The following THSD7B variants were observed in gnomAD, a reference collection of about 807,000 sequenced individuals.
THSD7B encodes the protein thrombospondin type-1 domain-containing protein 7B.
A neutral mutation model predicts 213.6 loss-of-function variants in THSD7B; 138 were observed. That is an observed-to-expected ratio of 0.65 (90% CI 0.56 to 0.74). The LOEUF is 0.74. Among genes scored for constraint, THSD7B ranks in the 30% least tolerant of loss-of-function variants. THSD7B has a pLI of 0.00. For missense variants in THSD7B, 1,931 were observed against 1,991.5 expected, an observed-to-expected ratio of 0.97 and a Z score of 0.58; for synonymous variants, 742 against 687.0, an observed-to-expected ratio of 1.08 and a Z score of -1.25.
intron 12 of THSD7B, among the ~76,000 whole-genome samples, chr2:137,337,041 AATACCTAATAATT>A (rs1684653927): frequency 6.6e-6 from 1 of 151,498 alleles, no homozygotes; most frequent in South Asian, 2.1e-4. Context: ...TGAGAATAAT[AATACCTAATAATT>A]ATACCTAAAT....
chr2:137,606,289 A>C (rs887666245), intron 17 of THSD7B, among the ~76,000 whole-genome samples: 2 of 152,150 alleles, frequency 1.3e-5, no homozygotes, highest in Non-Finnish European at 2.9e-5. Flanking sequence ...TGTGACTAGA[A>C]AGAATGGACC....
chr2:137,453,763 C>T lies in THSD7B; in HGVS notation c.3138+2740C>T, dbSNP rs368726100. Among the ~76,000 whole-genome samples, 8 of 152,208 alleles carry T rather than the reference C, an allele frequency of 5.3e-5. No homozygotes were observed. The South Asian group carries it at 1.5e-3, about 28-fold the overall frequency. ...ATTTTGTGCCCTTTGAGCATCATCC[C>T]CCTTCCCTCCACTTCCAGCCTCGGA... On this transcript the variant is annotated intron_variant, in intron 15 of 27. Coordinates refer to ENST00000409968, the MANE Select transcript of THSD7B (RefSeq NM_001316349.2).
chr2:137,667,830 A>G lies in THSD7B; in HGVS notation c.4708A>G (p.Ile1570Val). 1.9e-6 allele frequency: 3 copies of G among 1,602,448 alleles called. No individual in the cohort carries two copies. The highest frequency in any genetic ancestry group is 2.6e-6 in the Non-Finnish European group (3 of 1,173,556). ...GVSGGAFLIM[I>V]FLIFTSYLVC... ...TTCAGGTGGCGCTTTTCTCATCATG[A>G]TTTTCCTAATATTTACTTCCTACCT... is the stretch of plus-strand genomic sequence containing the variant. Residue 1570 changes from isoleucine (I) to valine (V), a missense_variant, in exon 27 of 28, where the codon ATT (isoleucine) becomes GTT (valine). By Grantham distance (29) the Ile-to-Val change is conservative. Transcript: ENST00000409968.
At chr2:137,463,718 T>C (rs904029722) in intron 15 of THSD7B, among the ~76,000 whole-genome samples, 1 of 152,056 alleles carries the variant, frequency 6.6e-6, no homozygotes, top group Non-Finnish European at 1.5e-5. Flanking sequence ...GTATCATCCA[T>C]ATTTAGCAGG....
intron 5 of THSD7B, among the ~76,000 whole-genome samples, chr2:137,133,733 C>A (rs4954470): frequency 0.67 from 101,964 of 152,098 alleles, 35,924 homozygotes; most frequent in Non-Finnish European, 0.77. Context: ...ATTAATTTTC[C>A]TAGTGTATTT....
intron 21 of THSD7B, among the ~76,000 whole-genome samples, chr2:137,652,123 T>G (rs1683151282): frequency 6.6e-6 from 1 of 152,098 alleles, no homozygotes; most frequent in African/African-American, 2.4e-5. Context: ...GTGCCTGTCC[T>G]GTCAATTACT....
chr2:137,664,168 A>G (rs1044203344), intron 26 of THSD7B, among the ~76,000 whole-genome samples: 22 of 152,294 alleles, frequency 1.4e-4, no homozygotes, highest in African/African-American at 5.3e-4. Flanking sequence ...ATATCTTTCA[A>G]TCCTAAATTA....
intron 12 of THSD7B, among the ~76,000 whole-genome samples, chr2:137,288,967 C>T (rs1683251995): frequency 6.6e-6 from 1 of 152,016 alleles, no homozygotes; most frequent in Non-Finnish European, 1.5e-5. Context: ...CATAGTTGTT[C>T]CACTTGCTAC....
intron 10 of THSD7B, among the ~76,000 whole-genome samples, chr2:137,260,043 G>A (rs780437534): frequency 8.6e-5 from 13 of 152,014 alleles, no homozygotes; most frequent in Non-Finnish European, 1.5e-4. Context: ...TTTTCCCAAC[G>A]GCCAGTGCTC....
intron 15 of THSD7B, among the ~76,000 whole-genome samples, chr2:137,464,201 A>G (rs1293959108): frequency 6.6e-6 from 1 of 151,962 alleles, no homozygotes; most frequent in Non-Finnish European, 1.5e-5. Context: ...TTCCTCATTT[A>G]CTTTTTGGTT....
chr2:137,219,728 T>G (rs1681324684), intron 7 of THSD7B, among the ~76,000 whole-genome samples: 1 of 152,192 alleles, frequency 6.6e-6, no homozygotes, highest in Non-Finnish European at 1.5e-5. Flanking sequence ...TCTCATTTAC[T>G]TCTTCATCCA....
At chr2:137,006,182 A>C (rs1217087163) in intron 2 of THSD7B, among the ~76,000 whole-genome samples, 7 of 152,146 alleles carry the variant, frequency 4.6e-5, no homozygotes. Context: ...TCACGAGGTC[A>C]GGAGATTGAG....
chr2:136,836,019 T>C (rs1326915215), intron 1 of THSD7B, among the ~76,000 whole-genome samples: 1 of 152,222 alleles, frequency 6.6e-6, no homozygotes, highest in Non-Finnish European at 1.5e-5. Flanking sequence ...GCAGACTGCA[T>C]TATTAGAAAG....
chr2:137,433,782 T>C (rs1253651781), intron 14 of THSD7B, among the ~76,000 whole-genome samples: 1 of 152,220 alleles, frequency 6.6e-6, no homozygotes, highest in African/African-American at 2.4e-5. Context: ...ATAATACCTA[T>C]TGATGCATTT....
chr2:137,566,633 C>T (rs1490065892), intron 16 of THSD7B, among the ~76,000 whole-genome samples: 1 of 152,128 alleles, frequency 6.6e-6, no homozygotes, highest in Non-Finnish European at 1.5e-5. Flanking sequence ...TTCATCTGGG[C>T]ATGCCCATCG....
At chr2:137,154,898 A>AT (rs1418790977) in intron 5 of THSD7B, among the ~76,000 whole-genome samples, 1 of 152,102 alleles carries the variant, frequency 6.6e-6, no homozygotes, top group Non-Finnish European at 1.5e-5. Context: ...TACCCAGCAT[A>AT]TTTTTCCTCC....
intron 5 of THSD7B, among the ~76,000 whole-genome samples, chr2:137,150,994 A>G (rs1017790337): frequency 6.6e-6 from 1 of 152,196 alleles, no homozygotes; most frequent in Non-Finnish European, 1.5e-5. Flanking sequence ...TTGGGCTCGT[A>G]GGAGTCAAAG....
chr2:137,665,490 A>T (rs865978367), intron 26 of THSD7B, among the ~76,000 whole-genome samples: 12 of 151,948 alleles, frequency 7.9e-5, no homozygotes, highest in Middle Eastern at 3.4e-3. Flanking sequence ...AGTATATATA[A>T]AATATATATT....
chr2:137,642,679 G>A (rs756016039), intron 21 of THSD7B, 46 bp downstream of exon 21: 71 of 1,600,598 alleles, frequency 4.4e-5, no homozygotes, highest in Admixed American at 1.9e-4. Context: ...CAGTATATTC[G>A]AAGCACTTGT....
Sources: gnomAD v4.1 joint callset for allele counts (sites outside exome capture counted in the v4.1 genomes callset) on GRCh38, gnomAD v4.1.1 for gene constraint, MANE v1.5 for transcripts, NCBI Gene and HGNC (gene_info 2026-07-23, HGNC 2026-07-21) for gene names.